Variants in NHLH2 observed in about 807,000 individuals in gnomAD.
NHLH2 encodes the protein nescient helix-loop-helix 2, also known as helix-loop-helix protein 2.
A neutral mutation model predicts 7.3 loss-of-function variants in NHLH2; 7 were observed. The ratio of observed to expected loss-of-function variants is 0.96; its 90% confidence interval spans 0.55 to 1.81. The LOEUF is 1.81. NHLH2 is among the 40% of genes most tolerant of loss of function. NHLH2 has a pLI of 0.00. For synonymous variants in NHLH2, 93 were observed against 91.6 expected (o/e 1.01, Z -0.09); for missense variants, 155 against 194.0 (o/e 0.80, Z 1.19).
At chr1:115,834,160 T>G (rs1156739352), downstream of NHLH2, among the ~76,000 whole-genome samples, 1 of 152,096 alleles carries the variant, frequency 6.6e-6, no homozygotes, top group Non-Finnish European at 1.5e-5. Context: ...CCTCTTCCCC[T>G]CTCCCTGGAG....
Position 115,837,794 on chromosome 1 carries a change from G to C in NHLH2, c.*171C>G, listed in dbSNP as rs890554722. The C allele has an allele frequency of 1.4e-5, 10 of 707,648 alleles. No homozygotes were observed. Among genetic ancestry groups the C allele is most frequent in the Non-Finnish European group, 2.2e-5 (10 of 461,026 alleles). The allele number at this position is 707,648 out of a possible 1,614,324, so 43.8% of individuals were successfully genotyped here. On this transcript the variant is annotated 3_prime_UTR_variant, in exon 3 of 3. Transcript: ENST00000320238. The stretch of plus-strand genomic sequence containing the variant: ...CTGCCTGCGTCGGAAACCTTCCCTC[G>C]TCGCCCTGCTGACCAGAGAGAACAG...
chr1:115,838,313 A>G lies in NHLH2; in HGVS notation c.60T>C (p.Asp20=), dbSNP rs753914376. ...DSDHPSSAHS[D]PESLGGTDTK... ...TGTCCGTGCCGCCCAGGGACTCCGG[A>G]TCCGAGTGCGCCGAGCTGGGATGGT... The change falls in exon 3 of 3, where the codon GAT becomes GAC. Residue 20 remains aspartate (D), a synonymous_variant. Transcript: ENST00000320238. 1.2e-6 allele frequency: 2 copies of G among 1,609,438 alleles called. No homozygotes were observed. The highest frequency in any genetic ancestry group is 2.2e-5 in the South Asian group (2 of 90,818).
downstream of NHLH2, among the ~76,000 whole-genome samples, chr1:115,832,736 T>C (rs907033712): frequency 2.0e-5 from 3 of 152,208 alleles, no homozygotes; most frequent in Non-Finnish European, 4.4e-5. Flanking sequence ...GATGTATGTA[T>C]GTGGGACTCA....
In NHLH2 at chr1:115,837,977, G is replaced by T. The variant is rs1416729429; in HGVS notation, c.396C>A (p.Val132=). Residue 132 remains valine, a synonymous_variant, in exon 3 of 3, where the codon GTC becomes GTA. Transcript: ENST00000320238. ...GGCGCACCCCGCCCTACACGTCCAG[G>T]ACGTGGTTGAGATAGGAGATGTAGC... ...AICYISYLNH[V]LDV 6.2e-7 allele frequency: 1 copy of T among 1,602,906 alleles called. No individual in the cohort carries two copies. Among genetic ancestry groups the T allele is most frequent in the South Asian group, 1.1e-5 (1 of 90,278 alleles).
chr1:115,837,214 G>A lies in NHLH2; in HGVS notation c.*751C>T, dbSNP rs1363424623. 2.0e-5 allele frequency: 3 copies of A among 152,552 alleles called. No individual in the cohort carries two copies. The highest frequency in any genetic ancestry group is 2.0e-4 in the Admixed American group (3 of 15,280). The allele number at this position is 152,552 out of a possible 1,614,324, so 9.4% of individuals were successfully genotyped here. On this transcript the variant is annotated 3_prime_UTR_variant, in exon 3 of 3. Coordinates refer to ENST00000320238, the MANE Select transcript of NHLH2 (RefSeq NM_005599.3). ...TTTAAGGTCACAAATAGATGTTTTT[G>A]GATATATAAAGGGGCACTTCGCCTG...
rs1451192966 is a variant in NHLH2, at chr1:115,836,883, A to G, written c.*1082T>C. On this transcript the variant is annotated 3_prime_UTR_variant, in exon 3 of 3. Transcript: ENST00000320238. The stretch of plus-strand genomic sequence containing the variant: ...CTCACAACAAAAGAACCTTTCAAGA[A>G]CAAACATCTTAATATATAAAATATG... The G allele has an allele frequency of 6.6e-6, 1 of 152,228 alleles. No homozygotes were observed. Among genetic ancestry groups the G allele is most frequent in the Non-Finnish European group, 1.5e-5 (1 of 68,032 alleles). 9.4% of individuals were successfully genotyped at this position (152,228 alleles called of 1,614,324 possible).
chr1:115,837,823 G>A lies in NHLH2; in HGVS notation c.*142C>T, dbSNP rs1650920728. 2.3e-6 allele frequency: 2 copies of A among 879,274 alleles called. No homozygotes were observed. The highest frequency in any genetic ancestry group is 6.2e-5 in the East Asian group (2 of 32,502). The allele number at this position is 879,274 out of a possible 1,614,324, so 54.5% of individuals were successfully genotyped here. A position where few individuals can be genotyped will look rare whatever the true frequency, so the allele number is the denominator to read the frequency against. On this transcript the variant is annotated 3_prime_UTR_variant, in exon 3 of 3. Coordinates refer to ENST00000320238, the MANE Select transcript of NHLH2 (RefSeq NM_005599.3). ...CCCTGCTGACCAGAGAGAACAGGTAGCGAGCTTCTTCCCCGGCCGTCTCTC... is the reference window on the plus strand; with the variant it reads ...CCCTGCTGACCAGAGAGAACAGGTAACGAGCTTCTTCCCCGGCCGTCTCTC...
At chr1:115,839,062 G>C (rs1408245535) in intron 2 of NHLH2, 1 of 167,224 alleles carries the variant, frequency 6.0e-6, no homozygotes, top group Non-Finnish European at 1.5e-5. Flanking sequence ...CTAAACAAAC[G>C]TGGGGGAGCC....
downstream of NHLH2, among the ~76,000 whole-genome samples, chr1:115,832,610 T>C (rs745325028): frequency 3.9e-5 from 6 of 152,210 alleles, no homozygotes; most frequent in Non-Finnish European, 8.8e-5. Context: ...TGAGGAGATA[T>C]AGTAACATGT....
At chr1:115,835,860 G>A (rs1386562453), downstream of NHLH2, among the ~76,000 whole-genome samples, 1 of 151,286 alleles carries the variant, frequency 6.6e-6, no homozygotes, top group East Asian at 1.9e-4. Flanking sequence ...TTTTTTTCTT[G>A]TTTGCGGATG....
rs548189552 is a variant in NHLH2, at chr1:115,837,722, C to A, written c.*243G>T. On this transcript the variant is annotated 3_prime_UTR_variant, in exon 3 of 3. Transcript: ENST00000320238. ...GGTGTCTCCACGAGGTTCTCCTGGC[C>A]TGGAAAATCCCCCCTGCGAGCCCCC... 15 of 510,140 alleles carry A rather than the reference C, an allele frequency of 2.9e-5. No individual in the cohort carries two copies. In the East Asian group the frequency reaches 5.7e-4, roughly 19 times the overall value. The allele number at this position is 510,140 out of a possible 1,614,324, so 31.6% of individuals were successfully genotyped here.
chr1:115,839,116 GCA>G (rs1432885012), intron 2 of NHLH2: 1 of 167,236 alleles, frequency 6.0e-6, no homozygotes, highest in Non-Finnish European at 1.5e-5. Flanking sequence ...GGCTCCCGGA[GCA>G]CCATCTGTCA....
Position 115,838,396 on chromosome 1 carries a change from AAAATT to A in NHLH2, c.-8-21_-8-17del. ...ATTTTGGAGGCTGAGGAGGGGTCGG[AAAATT>A]AATCAGTAAAAGGAATCAGGGTATT... On this transcript the variant is annotated splice_polypyrimidine_tract_variant and intron_variant, in intron 2 of 2. Transcript: ENST00000320238. 5.6e-6 allele frequency: 9 copies of A among 1,607,470 alleles called. No homozygotes were observed. Among genetic ancestry groups the A allele is most frequent in the Non-Finnish European group, 7.6e-6 (9 of 1,178,504 alleles).
rs1173563648 is a variant in NHLH2 at position 115,838,340 on chromosome 1, C to T, written c.33G>A (p.Ser11=). MMLSPDQAAD[S]DHPSSAHSDP... ...CCGAGTGCGCCGAGCTGGGATGGTC[C>T]GAATCTGCTGCTTGGTCCGGACTCA... The change falls in exon 3 of 3, where the codon TCG becomes TCA. Residue 11 remains serine, a synonymous_variant. Coordinates refer to ENST00000320238, the MANE Select transcript of NHLH2 (RefSeq NM_005599.3). The T allele has an allele frequency of 6.2e-6, 10 of 1,609,326 alleles. No homozygotes were observed. The African/African-American group carries it at 1.2e-4, about 19-fold the overall frequency.
chr1:115,835,308 A>T (rs934083676), downstream of NHLH2, among the ~76,000 whole-genome samples: 2 of 152,186 alleles, frequency 1.3e-5, no homozygotes, highest in African/African-American at 4.8e-5. Context: ...AGGGCTAATT[A>T]TTCTCTTGTA....
rs1352643678 is a variant in NHLH2 at position 115,838,092 on chromosome 1, T to G, written c.281A>C (p.Asn94Thr). The G allele has an allele frequency of 1.9e-6, 3 of 1,608,494 alleles. No homozygotes were observed. ...TRERIRVEAF[N>T]LAFAELRKLL... ...TTTGCGGAGCTCGGCGAAGGCCAAG[T>G]TGAAGGCTTCCACGCGGATGCGCTC... The change falls in exon 3 of 3, where the codon AAC becomes ACC. Residue 94 changes from asparagine to threonine, a missense_variant. Around this residue, in one of 2 missense-constraint regions of NHLH2, gnomAD observed 64 missense variants for 107.4 expected, o/e 0.60. Coordinates refer to ENST00000320238, the MANE Select transcript of NHLH2 (RefSeq NM_005599.3).
chr1:115,838,863 C>T (rs1253438983), intron 2 of NHLH2: 2 of 167,750 alleles, frequency 1.2e-5, no homozygotes, highest in African/African-American at 4.8e-5. Flanking sequence ...CCGAGGGCCT[C>T]CGGCGAAGCA....
At chr1:115,839,706 G>C (rs918916916) in intron 2 of NHLH2, 4 of 166,842 alleles carry the variant, frequency 2.4e-5, no homozygotes, top group African/African-American at 9.6e-5. Flanking sequence ...CACGACGCTC[G>C]GCACGGGAGA....
At position 115,836,865 on chromosome 1, in the gene NHLH2, C is replaced by T. The variant is rs1247163518; in HGVS notation, c.*1100G>A. ...AGTGCTAGTGTTGCTGATCTCACAA[C>T]AAAAGAACCTTTCAAGAACAAACAT... is the stretch of plus-strand genomic sequence containing the variant. On this transcript the variant is annotated 3_prime_UTR_variant, in exon 3 of 3. Transcript: ENST00000320238. 2 of 152,026 alleles carry T rather than the reference C, an allele frequency of 1.3e-5. No individual in the cohort carries two copies. The highest frequency in any genetic ancestry group is 3.9e-4 in the East Asian group (2 of 5,190). The allele number at this position is 152,026 out of a possible 1,614,324, so 9.4% of individuals were successfully genotyped here. A position where few individuals can be genotyped will look rare whatever the true frequency, so the allele number is the denominator to read the frequency against.
Sources: gnomAD v4.1 joint callset for allele counts (sites outside exome capture counted in the v4.1 genomes callset) on GRCh38, gnomAD v4.1.1 for gene constraint, gnomAD v4.1.1 regional missense constraint, MANE v1.5 for transcripts, NCBI Gene and HGNC (gene_info 2026-07-23, HGNC 2026-07-21) for gene names.